ATF6: variants seen among roughly 807,000 people sequenced by gnomAD.
The protein encoded by ATF6 is activating transcription factor 6.
In ATF6, 53 loss-of-function variants were observed where a neutral mutation model predicts 83.6. The ratio of observed to expected loss-of-function variants is 0.63; its 90% CI spans 0.51 to 0.80. ATF6 has a LOEUF of 0.80. ATF6 is among the 30% of genes least tolerant of loss of function. The pLI is 0.00. For synonymous variants in ATF6, 288 were observed against 285.8 expected (o/e 1.01, Z -0.08); for missense variants, 744 against 797.9 (o/e 0.93, Z 0.81).
In ATF6 at chr1:161,888,202, A is replaced by G. The variant is rs1462892214; in HGVS notation, c.1720-24094A>G. 3.9e-5 allele frequency among the ~76,000 whole-genome samples: 6 copies of G among 152,364 alleles called. No homozygotes were observed. The East Asian group carries it at 7.7e-4, about 20-fold the overall frequency. ...AAAATAATTCCATATAAATGGCTGC[A>G]TGAATCATTGAAAGAAACTTCCCTG... On this transcript the variant is annotated intron_variant, in intron 14 of 15. Transcript: ENST00000367942.
intron 2 of ATF6, among the ~76,000 whole-genome samples, chr1:161,781,536 T>C (rs572615309): frequency 3.3e-5 from 5 of 152,224 alleles, no homozygotes; most frequent in Non-Finnish European, 7.4e-5. Context: ...ATATTATGAA[T>C]AGCATTTACT....
At chr1:161,831,689 A>G (rs1441266171) in intron 9 of ATF6, among the ~76,000 whole-genome samples, 1 of 151,626 alleles carries the variant, frequency 6.6e-6, no homozygotes, top group African/African-American at 2.4e-5. Context: ...GCAAACTATC[A>G]CAAGGACAAA....
chr1:161,950,595 A>G (rs1571258999), intron 15 of ATF6, among the ~76,000 whole-genome samples: 1 of 152,348 alleles, frequency 6.6e-6, no homozygotes, highest in South Asian at 2.1e-4. Flanking sequence ...GAAGCCAGAA[A>G]GTAATAGGCC....
At chr1:161,794,506 A>T (rs1057504765) in intron 6 of ATF6, among the ~76,000 whole-genome samples, 1 of 151,942 alleles carries the variant, frequency 6.6e-6, no homozygotes, top group East Asian at 1.9e-4. Flanking sequence ...TAGAGACAGG[A>T]TCTCACTATA....
At chr1:161,811,813 G>A (rs1309022895) in intron 7 of ATF6, among the ~76,000 whole-genome samples, 1 of 151,372 alleles carries the variant, frequency 6.6e-6, no homozygotes, top group Admixed American at 6.6e-5. Context: ...TTTTTTTCCT[G>A]AACTATTTTA....
At chr1:161,836,030 G>C (rs757746863) in intron 9 of ATF6, among the ~76,000 whole-genome samples, 7 of 152,132 alleles carry the variant, frequency 4.6e-5, no homozygotes, top group Non-Finnish European at 7.4e-5. Flanking sequence ...GATGAGGAAG[G>C]GTAAATCATG....
chr1:161,897,205 G>C (rs1187881004), intron 14 of ATF6, among the ~76,000 whole-genome samples: 1 of 152,040 alleles, frequency 6.6e-6, no homozygotes, highest in African/African-American at 2.4e-5. Flanking sequence ...AGGCTGAAGC[G>C]GGCGGCTTGC....
rs373444449 is a variant in ATF6 at position 161,835,190 on chromosome 1, C to A, written c.1188-11259C>A. ...GCTCAAGCCTCCTGAGTAGTTAGTA[C>A]TCTAGATACACACCACCGTACCTGG... is the stretch of plus-strand genomic sequence containing the variant. On this transcript the variant is annotated intron_variant, in intron 9 of 15. Coordinates refer to ENST00000367942, the MANE Select transcript of ATF6 (RefSeq NM_007348.4). Among the ~76,000 whole-genome samples, 6 of 152,234 alleles carry A rather than the reference C, an allele frequency of 3.9e-5. No homozygotes were observed. The East Asian group carries it at 1.2e-3, about 29-fold the overall frequency.
At chr1:161,878,380 G>T (rs931693857) in intron 14 of ATF6, among the ~76,000 whole-genome samples, 1 of 152,056 alleles carries the variant, frequency 6.6e-6, no homozygotes, top group African/African-American at 2.4e-5. Flanking sequence ...CTCCCAAAGT[G>T]TTGTGATTAT....
intron 14 of ATF6, among the ~76,000 whole-genome samples, chr1:161,864,942 G>A (rs1033180225): frequency 6.6e-6 from 1 of 152,190 alleles, no homozygotes; most frequent in Non-Finnish European, 1.5e-5. Flanking sequence ...TAAAATGATT[G>A]TGTTGAAGTA....
intron 6 of ATF6, among the ~76,000 whole-genome samples, chr1:161,795,299 T>C (rs188933290): frequency 6.6e-6 from 1 of 152,012 alleles, no homozygotes; most frequent in Non-Finnish European, 1.5e-5. Context: ...GAAAAGGAGA[T>C]TAATAATAAT....
At chr1:161,944,044 A>G (rs115741001) in intron 15 of ATF6, among the ~76,000 whole-genome samples, 289 of 152,314 alleles carry the variant, frequency 1.9e-3, no homozygotes, top group South Asian at 3.9e-3. Flanking sequence ...TAGAAAATAG[A>G]AAGTCAAAGA....
At position 161,803,557 on chromosome 1, in the gene ATF6, A is replaced by G. The variant is rs554864845; in HGVS notation, c.909+1285A>G. On this transcript the variant is annotated intron_variant, in intron 7 of 15. Transcript: ENST00000367942. Reference sequence around the variant, plus strand: ...GTGTGTTTCAGTTGAAGATGAAACAATGTTGCTGGGATGGGAAGGTGGTGA... The same window carrying G: ...GTGTGTTTCAGTTGAAGATGAAACAGTGTTGCTGGGATGGGAAGGTGGTGA... 2.5e-4 allele frequency among the ~76,000 whole-genome samples: 38 copies of G among 152,336 alleles called. No homozygotes were observed. In the South Asian group the frequency reaches 6.6e-3, roughly 27 times the overall value.
intron 9 of ATF6, among the ~76,000 whole-genome samples, chr1:161,838,240 AGTG>A (rs1037163967): frequency 6.6e-6 from 1 of 152,230 alleles, no homozygotes; most frequent in Non-Finnish European, 1.5e-5. Context: ...ACTTTTCTGT[AGTG>A]AGAAATATAC....
chr1:161,804,539 G>A (rs1195386320), intron 7 of ATF6, among the ~76,000 whole-genome samples: 1 of 152,122 alleles, frequency 6.6e-6, no homozygotes, highest in Non-Finnish European at 1.5e-5. Flanking sequence ...AGGTTGTTAT[G>A]TGGAAAATAG....
At position 161,961,748 on chromosome 1, in the gene ATF6, G is replaced by T. The variant is rs2499850; in HGVS notation, c.*3094G>T. 0.64 allele frequency: 96,931 copies of T among 151,960 alleles called. 32,311 individuals are homozygous for T. The highest frequency in any genetic ancestry group is 0.74 in the Non-Finnish European group (50,538 of 67,966). The allele number at this position is 151,960 out of a possible 1,614,324, so 9.4% of individuals were successfully genotyped here. On this transcript the variant is annotated 3_prime_UTR_variant, in exon 16 of 16. Coordinates refer to ENST00000367942, the MANE Select transcript of ATF6 (RefSeq NM_007348.4). Reference sequence around the variant, plus strand: ...TGTTATTAGATGATTTTGTGCTCTTGGGGCTGACAATAATACACTCTTGGG... The same window carrying T: ...TGTTATTAGATGATTTTGTGCTCTTTGGGCTGACAATAATACACTCTTGGG...
At chr1:161,835,485 G>T (rs1686191011) in intron 9 of ATF6, among the ~76,000 whole-genome samples, 1 of 152,188 alleles carries the variant, frequency 6.6e-6, no homozygotes, top group Admixed American at 6.5e-5. Flanking sequence ...TATGTCTAGG[G>T]TTGAAAACTG....
At chr1:161,796,602 C>A (rs1685027100) in intron 6 of ATF6, among the ~76,000 whole-genome samples, 1 of 152,160 alleles carries the variant, frequency 6.6e-6, no homozygotes, top group African/African-American at 2.4e-5. Flanking sequence ...AGCTATACTT[C>A]TGACTAATAA....
At chr1:161,822,648 A>G (rs994408375) in intron 9 of ATF6, among the ~76,000 whole-genome samples, 1 of 152,336 alleles carries the variant, frequency 6.6e-6, no homozygotes, top group African/African-American at 2.4e-5. Context: ...TATAGGTGAC[A>G]TATACTAATC....
Sources: gnomAD v4.1 joint callset for allele counts (sites outside exome capture counted in the v4.1 genomes callset) on GRCh38, gnomAD v4.1.1 for gene constraint, MANE v1.5 for transcripts, NCBI Gene and HGNC (gene_info 2026-07-23, HGNC 2026-07-21) for gene names.